Variants in AQP2 observed in about 807,000 individuals in gnomAD.
AQP2 encodes aquaporin 2, also known as aquaporin-2.
Under a neutral mutation model 21.6 loss-of-function variants are expected in AQP2, and 20 were observed. The observed-to-expected ratio is 0.92, with a 90% CI of 0.65 to 1.34. The LOEUF is 1.34. AQP2 is among the 40% of genes most tolerant of loss of function. The pLI, the probability that AQP2 is intolerant of heterozygous loss-of-function variation, is 0.00. For missense variants in AQP2, 325 were observed against 363.4 expected, an observed-to-expected ratio of 0.89 and a Z score of 0.86; for synonymous variants, 168 against 166.9, an observed-to-expected ratio of 1.01 and a Z score of -0.05.
intron 1 of AQP2, among the ~76,000 whole-genome samples, chr12:49,953,234 C>T (rs1000083035): frequency 3.3e-5 from 5 of 152,190 alleles, no homozygotes; most frequent in African/African-American, 1.2e-4. Flanking sequence ...AGGGTTCTGA[C>T]CTGATGTCTC....
At chr12:49,953,683 T>C (rs1947345578) in intron 1 of AQP2, among the ~76,000 whole-genome samples, 1 of 152,206 alleles carries the variant, frequency 6.6e-6, no homozygotes, top group Non-Finnish European at 1.5e-5. Flanking sequence ...CTAGACCCTG[T>C]CTCTGGGAGC....
chr12:49,954,812 C>A, intron 3 of AQP2, 102 bp downstream of exon 3: 1 of 1,329,864 alleles, frequency 7.5e-7, no homozygotes, highest in Non-Finnish European at 1.1e-6. Context: ...AGCGGTACCC[C>A]AAACCCTCCA....
chr12:49,951,292 G>A, intron 1 of AQP2, 102 bp downstream of exon 1: 3 of 1,435,656 alleles, frequency 2.1e-6, no homozygotes, highest in Non-Finnish European at 2.8e-6. Context: ...TAGGGAGAGA[G>A]ATGGAGACAG....
At chr12:49,954,557 T>A in intron 2 of AQP2, 73 bp from the exon 3 acceptor site, 1 of 1,548,426 alleles carries the variant, frequency 6.5e-7, no homozygotes, top group Middle Eastern at 1.7e-4. Flanking sequence ...GGTCAAGCAC[T>A]GCAGTGCGGG....
intron 1 of AQP2, among the ~76,000 whole-genome samples, chr12:49,952,763 G>C (rs1157284039): frequency 1.3e-5 from 2 of 152,198 alleles, no homozygotes; most frequent in East Asian, 3.9e-4. Context: ...TGGATGGAAT[G>C]GGGCAGTGGT....
intron 1 of AQP2, among the ~76,000 whole-genome samples, chr12:49,953,355 G>A (rs867185772): frequency 7.2e-5 from 11 of 152,166 alleles, no homozygotes; most frequent in Admixed American, 2.0e-4. Context: ...TAGGGTACAG[G>A]GTGACAAAAC....
chr12:49,952,153 G>A (rs979442971), intron 1 of AQP2: 2 of 152,226 alleles, frequency 1.3e-5, no homozygotes, highest in African/African-American at 4.8e-5. Flanking sequence ...TTTTGAGATG[G>A]AGTCTCACTC....
chr12:49,954,838 T>C (rs1947354989), intron 3 of AQP2, 128 bp downstream of exon 3: 1 of 1,069,682 alleles, frequency 9.3e-7, no homozygotes, highest in African/African-American at 1.6e-5. Flanking sequence ...CTCCTGGTCC[T>C]GGGGAGCCTT....
chr12:49,955,561 G>T lies in AQP2; in HGVS notation c.769G>T (p.Val257Leu). ...GCGCGAGGTGCGACGGCGGCAGTCG[G>T]TGGAGCTGCACTCGCCGCAGAGCCT... is the stretch of plus-strand genomic sequence containing the variant. ...EEREVRRRQS[V>L]ELHSPQSLPR... is the part of the protein sequence containing the mutation. The change falls in exon 4 of 4, where the codon GTG (valine) becomes TTG (leucine). Residue 257 changes from valine (V) to leucine (L), a missense_variant. Coordinates refer to ENST00000199280, the MANE Select transcript of AQP2 (RefSeq NM_000486.6). The T allele has an allele frequency of 6.2e-7, 1 of 1,600,004 alleles. No individual in the cohort carries two copies.
At chr12:49,951,899 C>T (rs1335740662) in intron 1 of AQP2, 1 of 152,266 alleles carries the variant, frequency 6.6e-6, no homozygotes, top group Non-Finnish European at 1.5e-5. Flanking sequence ...GACCTGTGCC[C>T]CCAACAGATC....
Position 49,950,846 on chromosome 12 carries a change from T to C in AQP2, c.16T>C (p.Ser6Pro). The C allele has an allele frequency of 1.2e-6, 2 of 1,612,550 alleles. No homozygotes were observed. Among genetic ancestry groups the C allele is most frequent in the South Asian group, 2.2e-5 (2 of 91,072 alleles). Residue 6 changes from serine to proline, a missense_variant, in exon 1 of 4, where the codon TCC (serine) becomes CCC (proline). Ser to Pro is a moderately conservative substitution (Grantham distance 74). Transcript: ENST00000199280. Reference sequence around the variant, plus strand: ...GCTCTGCAGCATGTGGGAGCTCCGCTCCATAGCCTTCTCCAGGGCTGTGTT... The same window carrying C: ...GCTCTGCAGCATGTGGGAGCTCCGCCCCATAGCCTTCTCCAGGGCTGTGTT... MWELR[S>P]IAFSRAVFAE... is the part of the protein sequence containing the mutation.
rs1333787796 is a variant in AQP2 at position 49,954,613 on chromosome 12, C to T, written c.526-17C>T. The T allele has an allele frequency of 6.2e-7, 1 of 1,613,642 alleles. No individual in the cohort carries two copies. Among genetic ancestry groups the T allele is most frequent in the African/African-American group, 1.3e-5 (1 of 75,038 alleles). On this transcript the variant is annotated splice_polypyrimidine_tract_variant and intron_variant, in intron 2 of 3. Transcript: ENST00000199280. The stretch of plus-strand genomic sequence containing the variant: ...CCTCACCTCCCTTCTCTCTTTGATG[C>T]CCTCCTCCCACTGCAGATCCATTAC...
chr12:49,951,284 G>A (rs1311227338), intron 1 of AQP2, 94 bp downstream of exon 1: 8 of 1,458,476 alleles, frequency 5.5e-6, no homozygotes, highest in Non-Finnish European at 7.3e-6. Flanking sequence ...GGGTGATGTA[G>A]GGAGAGAGAT....
chr12:49,955,258 G>C (rs1947358013), intron 3 of AQP2, 141 bp from the exon 4 acceptor site: 3 of 951,012 alleles, frequency 3.2e-6, no homozygotes, highest in Non-Finnish European at 4.6e-6. Context: ...TGGCGTTGTC[G>C]TTGTAATTAC....
chr12:49,951,868 G>A (rs1027868944), intron 1 of AQP2: 2 of 152,328 alleles, frequency 1.3e-5, no homozygotes, highest in African/African-American at 4.8e-5. Context: ...GTGAATCCAA[G>A]GCCCATGAAT....
intron 1 of AQP2, among the ~76,000 whole-genome samples, chr12:49,952,288 T>C (rs1306831629): frequency 6.6e-6 from 1 of 152,096 alleles, no homozygotes; most frequent in Non-Finnish European, 1.5e-5. Context: ...TTTGTATTTT[T>C]AGTAGAGACA....
At chr12:49,953,672 C>T (rs1047107809) in intron 1 of AQP2, among the ~76,000 whole-genome samples, 2 of 152,172 alleles carry the variant, frequency 1.3e-5, no homozygotes, top group Non-Finnish European at 2.9e-5. Flanking sequence ...GACCCAAGTC[C>T]CTAGACCCTG....
In AQP2 at chr12:49,955,592, G is replaced by C; in HGVS notation, c.800G>C (p.Arg267Pro). 2 of 1,571,626 alleles carry C rather than the reference G, an allele frequency of 1.3e-6. No individual in the cohort carries two copies. Among genetic ancestry groups the C allele is most frequent in the Non-Finnish European group, 1.7e-6 (2 of 1,164,030 alleles). ...CTGCACTCGCCGCAGAGCCTGCCAC[G>C]GGGTACCAAGGCCTGAGGGCCGCCA... ...VELHSPQSLP[R>P]GTKA The change falls in exon 4 of 4, where the codon CGG (arginine) becomes CCG (proline). Residue 267 changes from arginine to proline, a missense_variant. Coordinates refer to ENST00000199280, the MANE Select transcript of AQP2 (RefSeq NM_000486.6).
Position 49,955,679 on chromosome 12 carries a change from C to G in AQP2, c.*71C>G. On this transcript the variant is annotated 3_prime_UTR_variant, in exon 4 of 4. Coordinates refer to ENST00000199280, the MANE Select transcript of AQP2 (RefSeq NM_000486.6). ...CGAGGCAGAAGGGCCCACCCCGTCCCTCCTCTCCCGCAGGTCTGAAGTTGG... is the reference window on the plus strand; with the variant it reads ...CGAGGCAGAAGGGCCCACCCCGTCCGTCCTCTCCCGCAGGTCTGAAGTTGG... The G allele has an allele frequency of 6.7e-7, 1 of 1,503,752 alleles. No homozygotes were observed. The highest frequency in any genetic ancestry group is 8.9e-7 in the Non-Finnish European group (1 of 1,119,976). 93.2% of individuals were successfully genotyped at this position (1,503,752 alleles called of 1,614,324 possible). A position where few individuals can be genotyped will look rare whatever the true frequency, so the allele number is the denominator to read the frequency against.
Sources: allele counts gnomAD v4.1 joint callset (sites outside exome capture counted in the v4.1 genomes callset), GRCh38; gene constraint gnomAD v4.1.1; transcripts MANE v1.5; gene names NCBI Gene and HGNC (gene_info 2026-07-23, HGNC 2026-07-21).